KLF8: variants seen among roughly 807,000 people sequenced by gnomAD.
The protein encoded by KLF8 is Krueppel-like factor 8.
A neutral mutation model predicts 18.2 loss-of-function variants in KLF8; 10 were observed. The ratio of observed to expected loss-of-function variants is 0.55; its 90% CI spans 0.34 to 0.93. KLF8 has a LOEUF of 0.93. Among genes scored for constraint, KLF8 ranks in the 40% least tolerant of loss-of-function variants. The pLI is 0.02. For missense variants in KLF8, 264 were observed against 277.9 expected, an observed-to-expected ratio of 0.95 and a Z score of 0.36; for synonymous variants, 109 against 97.3, an observed-to-expected ratio of 1.12 and a Z score of -0.71.
the KLF8 span, among the ~76,000 whole-genome samples, chrX:56,116,195 A>T: frequency 4.4e-5 from 5 of 112,927 alleles, no homozygotes; most frequent in Admixed American, 1.9e-4. Flanking sequence ...GGCCAAAGAG[A>T]TCCTGGCTGC....
chrX:56,194,047 A>G, the KLF8 span, among the ~76,000 whole-genome samples: 1 of 111,789 alleles, frequency 8.9e-6, no homozygotes, highest in African/African-American at 3.3e-5. Context: ...ATTACTGTGT[A>G]TTGCATCCTT....
the KLF8 span, among the ~76,000 whole-genome samples, chrX:56,221,825 T>C: frequency 3.6e-5 from 4 of 111,298 alleles, no homozygotes; most frequent in Non-Finnish European, 7.6e-5. Context: ...CCTTCCACAG[T>C]TTGGAAGGGG....
the KLF8 span, chrX:55,961,276 C>T: frequency 8.3e-6 from 3 of 361,958 alleles, no homozygotes; most frequent in Non-Finnish European, 1.5e-5. Context: ...GCCTCACCAC[C>T]ACAGCCTCTG....
chrX:56,163,232 T>C, the KLF8 span, among the ~76,000 whole-genome samples: 1 of 111,946 alleles, frequency 8.9e-6, no homozygotes, highest in Admixed American at 9.5e-5. Context: ...CATTTTTTTT[T>C]CTCTACAACT....
the KLF8 span, among the ~76,000 whole-genome samples, chrX:56,119,271 G>A: frequency 5.4e-5 from 6 of 111,124 alleles, no homozygotes; most frequent in Middle Eastern, 4.6e-3. Context: ...GGGTCATGGT[G>A]GGAGAATGAA....
chrX:56,201,695 A>G, the KLF8 span, among the ~76,000 whole-genome samples: 2 of 111,406 alleles, frequency 1.8e-5, no homozygotes, highest in African/African-American at 3.3e-5. Flanking sequence ...GGTTTCATGG[A>G]TATATACTTA....
the KLF8 span, among the ~76,000 whole-genome samples, chrX:56,034,536 A>G: frequency 1.8e-5 from 2 of 110,641 alleles, no homozygotes; most frequent in Non-Finnish European, 3.8e-5. Flanking sequence ...TTTATGATTG[A>G]CACAGTTATA....
At chrX:55,921,056 C>T in the KLF8 span, among the ~76,000 whole-genome samples, 1 of 112,042 alleles carries the variant, frequency 8.9e-6, no homozygotes, top group East Asian at 2.8e-4. Context: ...AGAGCTTCTG[C>T]ACAGAAAAAG....
At chrX:56,062,873 T>G in the KLF8 span, among the ~76,000 whole-genome samples, 1 of 111,086 alleles carries the variant, frequency 9.0e-6, no homozygotes, top group African/African-American at 3.3e-5. Context: ...TTTTCATTCT[T>G]TTTTTTCTAA....
chrX:56,133,132 A>T, the KLF8 span, among the ~76,000 whole-genome samples: 1 of 111,920 alleles, frequency 8.9e-6, no homozygotes, highest in East Asian at 2.8e-4. Context: ...GCCACAAAAC[A>T]GAGAAAGAGC....
At chrX:56,019,428 G>A in the KLF8 span, among the ~76,000 whole-genome samples, 6 of 112,252 alleles carry the variant, frequency 5.3e-5, no homozygotes, top group Admixed American at 2.8e-4. Flanking sequence ...AAAATTTTTC[G>A]TTGACTGTCT....
the KLF8 span, among the ~76,000 whole-genome samples, chrX:56,090,017 G>A: frequency 2.7e-5 from 3 of 112,020 alleles, no homozygotes; most frequent in Non-Finnish European, 5.6e-5. Flanking sequence ...GCTTAACCAA[G>A]TTGGAGGAAG....
chrX:55,997,443 A>T, the KLF8 span, among the ~76,000 whole-genome samples: 1 of 111,405 alleles, frequency 9.0e-6, no homozygotes, highest in Non-Finnish European at 1.9e-5. Context: ...AGGTTTCTGG[A>T]TGTCTGTGCA....
At chrX:56,061,986 C>CTTT in the KLF8 span, among the ~76,000 whole-genome samples, 124 of 57,083 alleles carry the variant, frequency 2.2e-3, 5 homozygotes, top group African/African-American at 0.015. Flanking sequence ...GCAACCCCTG[C>CTTT]TTTTTTTTTT....
chrX:56,129,544 C>T, the KLF8 span, among the ~76,000 whole-genome samples: 1 of 111,140 alleles, frequency 9.0e-6, no homozygotes, highest in Admixed American at 9.5e-5. Context: ...CCTGGGGAAG[C>T]CAGATCTGAC....
the KLF8 span, among the ~76,000 whole-genome samples, chrX:56,125,415 T>C: frequency 2.7e-5 from 3 of 112,075 alleles, no homozygotes; most frequent in Admixed American, 9.5e-5. Flanking sequence ...ATTTTTAAAA[T>C]GGCAACTAGA....
the KLF8 span, among the ~76,000 whole-genome samples, chrX:56,162,904 T>G: frequency 8.9e-6 from 1 of 111,806 alleles, no homozygotes; most frequent in Non-Finnish European, 1.9e-5. Context: ...ATCGGCCACC[T>G]TGGCTCCACC....
the KLF8 span, among the ~76,000 whole-genome samples, chrX:56,191,314 T>C: frequency 8.9e-6 from 1 of 111,891 alleles, no homozygotes; most frequent in African/African-American, 3.2e-5. Context: ...GAAGCTGTAG[T>C]TGAAATTGTC....
At chrX:56,073,794 T>A in the KLF8 span, among the ~76,000 whole-genome samples, 1 of 108,507 alleles carries the variant, frequency 9.2e-6, no homozygotes, top group South Asian at 4.2e-4. Context: ...CGCCCAGTCT[T>A]GAGTGCAATG....
Sources: gnomAD v4.1 joint callset for allele counts (sites outside exome capture counted in the v4.1 genomes callset) on GRCh38, gnomAD v4.1.1 for gene constraint, MANE v1.5 for transcripts, NCBI Gene and HGNC (gene_info 2026-07-23, HGNC 2026-07-21) for gene names.